Variants in SNX25 observed in about 807,000 individuals in gnomAD.
The protein encoded by SNX25 is sorting nexin-25.
Under a neutral mutation model 113.7 loss-of-function variants are expected in SNX25, and 62 were observed. The observed-to-expected ratio is 0.55, with a 90% CI of 0.44 to 0.67. The LOEUF (loss-of-function observed/expected upper bound fraction) is 0.67. SNX25 is among the 30% of genes least tolerant of loss of function. The pLI is 0.00. For missense variants in SNX25, 1,014 were observed against 1,161.0 expected, an observed-to-expected ratio of 0.87 and a Z score of 1.84; for synonymous variants, 421 against 436.2, an observed-to-expected ratio of 0.97 and a Z score of 0.43.
intron 5 of SNX25, among the ~76,000 whole-genome samples, chr4:185,287,808 T>A (rs1751550525): frequency 1.6e-5 from 2 of 123,036 alleles, no homozygotes; most frequent in African/African-American, 5.8e-5. Flanking sequence ...GATGTTTACG[T>A]GAGGGCCTCA....
chr4:185,254,554 AT>A (rs1222330933), intron 2 of SNX25, among the ~76,000 whole-genome samples: 20 of 152,156 alleles, frequency 1.3e-4, no homozygotes, highest in African/African-American at 4.3e-4. Flanking sequence ...TACTTAGCTC[AT>A]TCCTTGTTCT....
intron 5 of SNX25, among the ~76,000 whole-genome samples, chr4:185,283,837 C>T (rs143116580): frequency 6.6e-6 from 1 of 152,258 alleles, no homozygotes; most frequent in African/African-American, 2.4e-5. Flanking sequence ...GTACCCAGTA[C>T]AATCTATGAA....
At chr4:185,295,532 C>G (rs1048022007) in intron 6 of SNX25, among the ~76,000 whole-genome samples, 1 of 150,140 alleles carries the variant, frequency 6.7e-6, no homozygotes, top group Non-Finnish European at 1.5e-5. Context: ...TCACTGCAGT[C>G]TTGACCTCCC....
intron 7 of SNX25, among the ~76,000 whole-genome samples, chr4:185,315,236 AGAAAAG>A (rs1561002978): frequency 6.9e-6 from 1 of 144,670 alleles, no homozygotes; most frequent in African/African-American, 2.5e-5. Context: ...TCAAAAAAAA[AGAAAAG>A]AAAAGAAAAC....
chr4:185,303,385 C>T (rs1259763400), intron 6 of SNX25, among the ~76,000 whole-genome samples: 6 of 152,102 alleles, frequency 3.9e-5, no homozygotes, highest in Non-Finnish European at 8.8e-5. Context: ...AGGTGCAGGG[C>T]GTGGTGGCTC....
At chr4:185,343,383 C>T (rs917463038) in intron 12 of SNX25, among the ~76,000 whole-genome samples, 14 of 152,316 alleles carry the variant, frequency 9.2e-5, no homozygotes, top group African/African-American at 3.4e-4. Flanking sequence ...AGCATTGTTT[C>T]ATAGACCTTT....
chr4:185,376,443 CTTTTTTTT>C, the SNX25 span, among the ~76,000 whole-genome samples: 194 of 105,802 alleles, frequency 1.8e-3, no homozygotes, highest in African/African-American at 7.4e-3. Flanking sequence ...TGCCCAGCTA[CTTTTTTTT>C]TTTTTTTTTT....
chr4:185,317,784 G>A (rs1288865622), intron 7 of SNX25, among the ~76,000 whole-genome samples: 3 of 152,078 alleles, frequency 2.0e-5, no homozygotes, highest in Admixed American at 1.3e-4. Flanking sequence ...GGGGCCTGTC[G>A]GGGGGTGAGG....
At position 185,310,717 on chromosome 4, in the gene SNX25, G is replaced by C; in HGVS notation, c.1245G>C (p.Lys415Asn). Residue 415 changes from lysine to asparagine, a missense_variant, in exon 7 of 19, where the codon AAG becomes AAC. Physicochemically the swap from Lys to Asn is moderately conservative, Grantham distance 94 (BLOSUM62 0). Transcript: ENST00000652585. Reference sequence around the variant, plus strand: ...ACATCAACCAACTGACTGTGGCAAAGAAGCAGTGTGAGAAGAGAATCCGAA... The same window carrying C: ...ACATCAACCAACTGACTGTGGCAAACAAGCAGTGTGAGAAGAGAATCCGAA... ...KRYINQLTVA[K>N]KQCEKRIRIL... 6.2e-7 allele frequency: 1 copy of C among 1,614,102 alleles called. No individual in the cohort carries two copies. The highest frequency in any genetic ancestry group is 8.5e-7 in the Non-Finnish European group (1 of 1,179,984).
At chr4:185,333,650 AAAG>A (rs930205667) in intron 10 of SNX25, among the ~76,000 whole-genome samples, 17 of 152,214 alleles carry the variant, frequency 1.1e-4, no homozygotes, top group Non-Finnish European at 2.2e-4. Context: ...AAAAAGCAAA[AAAG>A]AAGAAGGAAG....
downstream of SNX25, chr4:185,372,989 G>C (rs144800425): frequency 6.2e-7 from 1 of 1,613,796 alleles, no homozygotes; most frequent in Non-Finnish European, 8.5e-7. Context: ...GTATCCTGCC[G>C]GATGCCTTGT....
chr4:185,344,401 C>T lies in SNX25; in HGVS notation c.2188-2136C>T, dbSNP rs114479435. Among the ~76,000 whole-genome samples the T allele has an allele frequency of 7.0e-3, 1,066 of 152,164 alleles. 14 individuals carry two copies. The highest frequency in any genetic ancestry group is 0.024 in the African/African-American group (1,016 of 41,492). On this transcript the variant is annotated intron_variant, in intron 12 of 18. Transcript: ENST00000652585. ...GTGAAGCATCCGGCGCCACTGTGGCCAGAGGTGTCTGGTCCGTATCAGGAT... is the reference window on the plus strand; with the variant it reads ...GTGAAGCATCCGGCGCCACTGTGGCTAGAGGTGTCTGGTCCGTATCAGGAT...
intron 5 of SNX25, among the ~76,000 whole-genome samples, chr4:185,271,872 T>TTGGTTATTTTC (rs1748981225): frequency 6.6e-6 from 1 of 152,254 alleles, no homozygotes; most frequent in Non-Finnish European, 1.5e-5. Flanking sequence ...CTGGAATAGT[T>TTGGTTATTTTC]TGGTTATTTT....
intron 3 of SNX25, among the ~76,000 whole-genome samples, chr4:185,260,196 A>G (rs1369516970): frequency 7.5e-6 from 1 of 133,186 alleles, no homozygotes; most frequent in African/African-American, 2.5e-5. Flanking sequence ...ACTTAAAAGA[A>G]AGTAAAACAT....
In SNX25 at chr4:185,351,629, A is replaced by C; in HGVS notation, c.2466+20A>C. On this transcript the variant is annotated intron_variant, in intron 14 of 18. Coordinates refer to ENST00000652585, the MANE Select transcript of SNX25 (RefSeq NM_001378034.2). ...CAGGAGGTGAGCCGTTGAAAGAGTG[A>C]ACCACTTTTGTAGTGTATTTCAGCA... is the stretch of plus-strand genomic sequence containing the variant. 1 of 1,610,916 alleles carries C rather than the reference A, an allele frequency of 6.2e-7. No individual in the cohort carries two copies. Among genetic ancestry groups the C allele is most frequent in the Non-Finnish European group, 8.5e-7 (1 of 1,178,628 alleles).
chr4:185,344,100 A>G (rs1411782227), intron 12 of SNX25, among the ~76,000 whole-genome samples: 4 of 152,166 alleles, frequency 2.6e-5, no homozygotes, highest in African/African-American at 9.7e-5. Flanking sequence ...GCACGCTTGT[A>G]GTCTCAGTTT....
At chr4:185,345,093 C>T (rs1487090822) in intron 12 of SNX25, among the ~76,000 whole-genome samples, 1 of 152,152 alleles carries the variant, frequency 6.6e-6, no homozygotes, top group African/African-American at 2.4e-5. Context: ...GTAGAATTTA[C>T]TTAGACAATC....
chr4:185,305,319 C>T (rs1269255676), intron 6 of SNX25, among the ~76,000 whole-genome samples: 2 of 152,152 alleles, frequency 1.3e-5, no homozygotes, highest in Non-Finnish European at 2.9e-5. Flanking sequence ...TTAAATCCCT[C>T]AGTGAGTCTG....
At chr4:185,362,170 G>T in intron 17 of SNX25, 65 bp downstream of exon 17, 1 of 1,456,850 alleles carries the variant, frequency 6.9e-7, no homozygotes, top group South Asian at 1.5e-5. Flanking sequence ...CCACTGAGGT[G>T]ATTTTCATTT....
Sources: allele counts gnomAD v4.1 joint callset (sites outside exome capture counted in the v4.1 genomes callset), GRCh38; gene constraint gnomAD v4.1.1; transcripts MANE v1.5; gene names NCBI Gene and HGNC (gene_info 2026-07-23, HGNC 2026-07-21).